CSMD2: variants seen among roughly 807,000 people sequenced by gnomAD.
CSMD2 encodes the protein CUB and sushi domain-containing protein 2.
Under a neutral mutation model 398.5 loss-of-function variants are expected in CSMD2, and 130 were observed. That is an observed-to-expected ratio of 0.33 (90% CI 0.28 to 0.38). The LOEUF (loss-of-function observed/expected upper bound fraction) is 0.38, where lower values mean the gene tolerates loss of function less well. CSMD2 is among the 10% of genes least tolerant of loss of function. The pLI is 1.00. For synonymous variants in CSMD2, 1,828 were observed against 1,908.5 expected (o/e 0.96, Z 1.10); for missense variants, 3,829 against 4,764.9 (o/e 0.80, Z 5.78).
intron 1 of CSMD2, among the ~76,000 whole-genome samples, chr1:34,133,428 C>A (rs548788462): frequency 6.6e-6 from 1 of 151,530 alleles, no homozygotes; most frequent in East Asian, 2.0e-4. Context: ...GTCAGGAGTT[C>A]GAGACCAGCC....
intron 3 of CSMD2, among the ~76,000 whole-genome samples, chr1:33,986,424 T>C (rs984869500): frequency 2.0e-5 from 3 of 152,164 alleles, no homozygotes; most frequent in African/African-American, 7.2e-5. Flanking sequence ...AGAAGGGATG[T>C]ATCCTTGCCA....
At chr1:33,665,155 C>T (rs1176185660) in intron 25 of CSMD2, among the ~76,000 whole-genome samples, 1 of 152,028 alleles carries the variant, frequency 6.6e-6, no homozygotes, top group Non-Finnish European at 1.5e-5. Flanking sequence ...TGAAATTCTA[C>T]TTATATATTA....
Position 33,571,715 on chromosome 1 carries a change from G to A in CSMD2, c.7774C>T (p.Pro2592Ser). 6.7e-7 allele frequency: 1 copy of A among 1,500,658 alleles called. No individual in the cohort carries two copies. The highest frequency in any genetic ancestry group is 9.0e-7 in the Non-Finnish European group (1 of 1,109,408). 93.0% of individuals were successfully genotyped at this position (1,500,658 alleles called of 1,614,324 possible). The change falls in exon 51 of 71, where the codon CCT becomes TCT. Residue 2592 changes from proline to serine, a missense_variant. This residue lies in a region of CSMD2 where 723 missense variants were observed against 758.6 expected (regional missense o/e 0.95). Coordinates refer to ENST00000373381, the MANE Select transcript of CSMD2 (RefSeq NM_001281956.2). The stretch of plus-strand genomic sequence containing the variant: ...TCCACGCTGATGCTACTGACATCAG[G>A]ACAAGTCACAGCTGGGGAAATGAGG... ...VPPQCVPVTC[P>S]DVSSISVEHG...
intron 37 of CSMD2, among the ~76,000 whole-genome samples, chr1:33,619,530 A>G (rs1197132091): frequency 6.6e-6 from 1 of 152,216 alleles, no homozygotes; most frequent in East Asian, 1.9e-4. Context: ...AGGGAAACTC[A>G]CATATAACAA....
chr1:34,031,665 AC>A (rs1435871415), intron 3 of CSMD2, among the ~76,000 whole-genome samples: 1 of 145,388 alleles, frequency 6.9e-6, no homozygotes, highest in Non-Finnish European at 1.5e-5. Context: ...TATGCATTAC[AC>A]CCCTGGCCAA....
intron 2 of CSMD2, among the ~76,000 whole-genome samples, chr1:34,072,879 G>A (rs10914857): frequency 0.2 from 29,994 of 151,946 alleles, 4,134 homozygotes; most frequent in African/African-American, 0.39. Context: ...GGTCACTGCA[G>A]TTGGTTTCCA....
chr1:33,726,487 C>T, intron 16 of CSMD2, 60 bp downstream of exon 16: 1 of 1,545,484 alleles, frequency 6.5e-7, no homozygotes, highest in Non-Finnish European at 8.8e-7. Flanking sequence ...CATTCCCTCC[C>T]ACGTGGCTCT....
In CSMD2 at chr1:33,773,086, C is replaced by T. The variant is rs191805112; in HGVS notation, c.1664-335G>A. On this transcript the variant is annotated intron_variant, in intron 12 of 70. Transcript: ENST00000373381. ...AAGCAATTTTAGGGAGAAGGTGGGT[C>T]TACATTCTTCACAGGTTACCTGTCC... Among the ~76,000 whole-genome samples the T allele has an allele frequency of 8.6e-4, 131 of 152,324 alleles. 1 individual carries two copies. Among genetic ancestry groups the T allele is most frequent in the African/African-American group, 3.0e-3 (125 of 41,564 alleles).
At chr1:33,887,528 C>T (rs1223795866) in intron 5 of CSMD2, among the ~76,000 whole-genome samples, 1 of 152,188 alleles carries the variant, frequency 6.6e-6, no homozygotes, top group African/African-American at 2.4e-5. Flanking sequence ...CAACCTCTAT[C>T]AGCTCCTTCC....
chr1:33,576,935 G>C (rs1488689274), intron 49 of CSMD2, among the ~76,000 whole-genome samples: 1 of 143,036 alleles, frequency 7.0e-6, no homozygotes, highest in African/African-American at 2.8e-5. Context: ...TCAAGTGTTT[G>C]ATCAACCCAC....
chr1:33,964,313 G>A (rs1570649976), intron 3 of CSMD2, among the ~76,000 whole-genome samples: 1 of 152,338 alleles, frequency 6.6e-6, no homozygotes, highest in Admixed American at 6.5e-5. Context: ...CAGGGCTATT[G>A]TGAAGAAAGA....
chr1:33,633,295 C>T lies in CSMD2; in HGVS notation c.5200+127G>A, dbSNP rs1642578402. 1 of 707,550 alleles carries T rather than the reference C, an allele frequency of 1.4e-6. No individual in the cohort carries two copies. Among genetic ancestry groups the T allele is most frequent in the Non-Finnish European group, 2.5e-6 (1 of 407,230 alleles). The allele number at this position is 707,550 out of a possible 1,614,324, so 43.8% of individuals were successfully genotyped here. A position where few individuals can be genotyped will look rare whatever the true frequency, so the allele number is the denominator to read the frequency against. On this transcript the variant is annotated intron_variant, in intron 32 of 70. Transcript: ENST00000373381. This position sits in a 1 kb window ranked among gnomAD's most constrained non-coding sequence, Gnocchi z 5.0. ...GCTGCGTTGTAGACAAGCACCAGAACACGACAGGCACGCAGAGCCGTAGGG... is the reference window on the plus strand; with the variant it reads ...GCTGCGTTGTAGACAAGCACCAGAATACGACAGGCACGCAGAGCCGTAGGG...
chr1:33,762,081 T>G (rs1245332393), intron 13 of CSMD2, among the ~76,000 whole-genome samples: 1 of 152,176 alleles, frequency 6.6e-6, no homozygotes, highest in Admixed American at 6.5e-5. Context: ...AGAAAAGGTA[T>G]GTAGTGCCTT....
At chr1:33,654,877 T>A (rs1402788743) in intron 27 of CSMD2, among the ~76,000 whole-genome samples, 2 of 152,224 alleles carry the variant, frequency 1.3e-5, no homozygotes, top group East Asian at 3.8e-4. Flanking sequence ...TCTGTGTTTC[T>A]GAAACTGCCC....
intron 1 of CSMD2, among the ~76,000 whole-genome samples, chr1:34,136,235 C>T (rs1195439631): frequency 6.6e-6 from 1 of 152,188 alleles, no homozygotes; most frequent in East Asian, 1.9e-4. Flanking sequence ...AAATAAATTA[C>T]TTATTTAACT....
chr1:33,583,386 A>G (rs1638863115), intron 47 of CSMD2, among the ~76,000 whole-genome samples: 1 of 152,220 alleles, frequency 6.6e-6, no homozygotes, highest in Admixed American at 6.5e-5. Flanking sequence ...TGCTGACATG[A>G]ACAGGAATGG....
intron 7 of CSMD2, among the ~76,000 whole-genome samples, chr1:33,823,978 G>A (rs1205881383): frequency 6.6e-6 from 1 of 151,984 alleles, no homozygotes; most frequent in Non-Finnish European, 1.5e-5. Context: ...CTAGTCCATG[G>A]GCCTCCTGAA....
intron 10 of CSMD2, among the ~76,000 whole-genome samples, chr1:33,798,868 C>T (rs12140643): frequency 0.44 from 67,198 of 152,024 alleles, 16,344 homozygotes; most frequent in East Asian, 0.65. Context: ...AGCCAAAAGA[C>T]AGGACTCCAG....
Position 33,743,619 on chromosome 1 carries a change from A to G in CSMD2, c.1847-13T>C. Reference sequence around the variant, plus strand: ...AAGAAGCAGGAGACTGCAAGAGAAGAGCAGTGGAGGTCAGTAAGCATCCCC... The same window carrying G: ...AAGAAGCAGGAGACTGCAAGAGAAGGGCAGTGGAGGTCAGTAAGCATCCCC... On this transcript the variant is annotated splice_polypyrimidine_tract_variant and intron_variant, in intron 13 of 70. Transcript: ENST00000373381. 6.4e-7 allele frequency: 1 copy of G among 1,569,426 alleles called. No homozygotes were observed. The highest frequency in any genetic ancestry group is 8.7e-7 in the Non-Finnish European group (1 of 1,152,866).
Sources: allele counts gnomAD v4.1 joint callset (sites outside exome capture counted in the v4.1 genomes callset), GRCh38; gene constraint gnomAD v4.1.1; regional missense constraint gnomAD v4.1.1; non-coding constraint Gnocchi (gnomAD v3.1); transcripts MANE v1.5; gene names NCBI Gene and HGNC (gene_info 2026-07-23, HGNC 2026-07-21).